The following PAQR3 variants were observed in gnomAD, a reference collection of about 807,000 sequenced individuals.
PAQR3 encodes progestin and adipoQ receptor family member 3, also known as Raf kinase trapping to Golgi.
PAQR3 carries 39 observed loss-of-function variants against 41.7 expected under a neutral mutation model. The ratio of observed to expected loss-of-function variants is 0.93; its 90% confidence interval spans 0.72 to 1.22. The LOEUF (loss-of-function observed/expected upper bound fraction) is 1.22. Among genes scored for constraint, PAQR3 ranks in the 50% most tolerant of loss-of-function variants. The probability of loss-of-function intolerance (pLI) is 0.00; values close to 1 mark genes in which losing one functional copy is unlikely to be tolerated. For missense variants in PAQR3, 366 were observed against 385.6 expected (o/e 0.95, Z 0.42); for synonymous variants, 140 against 140.6 (o/e 1.00, Z 0.03).
Position 78,919,694 on chromosome 4 carries a change from C to T in PAQR3, c.*845G>A, listed in dbSNP as rs1403177129. 2 of 985,120 alleles carry T rather than the reference C, an allele frequency of 2.0e-6. No homozygotes were observed. Among genetic ancestry groups the T allele is most frequent in the Non-Finnish European group, 2.4e-6 (2 of 829,776 alleles). The allele number at this position is 985,120 out of a possible 1,614,324, so 61.0% of individuals were successfully genotyped here. ...ACTGGGATATTCAGGACTACAAATT[C>T]AGAGAGTTGAAAGCTCTGGAATTTT... On this transcript the variant is annotated 3_prime_UTR_variant, in exon 6 of 6. Transcript: ENST00000512733.
chr4:78,889,152 C>T (rs1262425912), intron 11 of PAQR3, among the ~76,000 whole-genome samples: 3 of 133,532 alleles, frequency 2.2e-5, no homozygotes, highest in Non-Finnish European at 4.6e-5. Context: ...ACCCGGGAGG[C>T]GGAGTTTGCA....
At chr4:78,907,269 T>C (rs1032299487), downstream of PAQR3, among the ~76,000 whole-genome samples, 8 of 152,188 alleles carry the variant, frequency 5.3e-5, no homozygotes, top group Non-Finnish European at 1.2e-4. Flanking sequence ...AATACAACTT[T>C]GATAAATGGA....
chr4:78,911,422 T>G (rs1734593519), downstream of PAQR3: 2 of 1,613,926 alleles, frequency 1.2e-6, no homozygotes, highest in Non-Finnish European at 1.7e-6. Context: ...GCTTGTGCCC[T>G]TTGATGAAAT....
chr4:78,897,037 G>A (rs1425991254), intron 11 of PAQR3, among the ~76,000 whole-genome samples: 1 of 152,036 alleles, frequency 6.6e-6, no homozygotes, highest in Non-Finnish European at 1.5e-5. Flanking sequence ...ATTGCTTGGG[G>A]GGAAATGTAC....
intron 11 of PAQR3, among the ~76,000 whole-genome samples, chr4:78,903,567 A>G (rs747512085): frequency 2.6e-5 from 4 of 151,754 alleles, no homozygotes; most frequent in East Asian, 1.9e-4. Context: ...TATTGTCTCT[A>G]TTTTCTAGAT....
intron 11 of PAQR3, chr4:78,898,721 A>G (rs991417311): frequency 1.3e-5 from 2 of 151,796 alleles, no homozygotes; most frequent in Non-Finnish European, 2.9e-5. Context: ...ACAGAAATTG[A>G]AAGCAAGTGA....
At chr4:78,910,796 C>T, downstream of PAQR3, 1 of 1,613,800 alleles carries the variant, frequency 6.2e-7, no homozygotes, top group Non-Finnish European at 8.5e-7. Context: ...GATCCCCCTT[C>T]TCCTAAGAGC....
At chr4:78,894,459 A>G (rs1193973050) in intron 11 of PAQR3, among the ~76,000 whole-genome samples, 1 of 152,180 alleles carries the variant, frequency 6.6e-6, no homozygotes, top group African/African-American at 2.4e-5. Context: ...CTTTCCTTAC[A>G]GCTCATGATC....
rs1658115278 is a variant in PAQR3, at chr4:78,930,290, A to G, written c.384T>C (p.Phe128=). 6.2e-7 allele frequency: 1 copy of G among 1,613,724 alleles called. No homozygotes were observed. Among genetic ancestry groups the G allele is most frequent in the Non-Finnish European group, 8.5e-7 (1 of 1,179,902 alleles). The change falls in exon 3 of 6, where the codon TTT becomes TTC. Residue 128 remains phenylalanine, a synonymous_variant. Coordinates refer to ENST00000512733, the MANE Select transcript of PAQR3 (RefSeq NM_001040202.2). ...ATGTTTTTTCTGACCGATGGCAGGA[A>G]AAAAGATGATAGCCCACAGAGCAAA... is the stretch of plus-strand genomic sequence containing the variant. The part of the protein sequence containing the change: ...CMLCSVGYHL[F]SCHRSEKTCR...
At chr4:78,927,380 T>C (rs1296610185) in intron 3 of PAQR3, among the ~76,000 whole-genome samples, 1 of 152,248 alleles carries the variant, frequency 6.6e-6, no homozygotes, top group African/African-American at 2.4e-5. Flanking sequence ...ACAGACTTAT[T>C]AGAAAGACAA....
intron 11 of PAQR3, among the ~76,000 whole-genome samples, chr4:78,890,495 AT>A (rs1733377388): frequency 6.6e-6 from 1 of 151,974 alleles, no homozygotes; most frequent in African/African-American, 2.4e-5. Flanking sequence ...CAGTGTCTAC[AT>A]TTTTTTAATA....
chr4:78,933,461 A>C (rs922480161), intron 2 of PAQR3, among the ~76,000 whole-genome samples: 4 of 152,180 alleles, frequency 2.6e-5, no homozygotes, highest in Non-Finnish European at 5.9e-5. Context: ...ATGTCTTTTA[A>C]TATTAAATGT....
chr4:78,924,007 T>C lies in PAQR3; in HGVS notation c.703-60A>G. Reference sequence around the variant, plus strand: ...CTACTGTTACTGAACTCTAAATTTATTATGAATCTAATAGTGGGATTTAAG... The same window carrying C: ...CTACTGTTACTGAACTCTAAATTTACTATGAATCTAATAGTGGGATTTAAG... On this transcript the variant is annotated intron_variant, in intron 4 of 5. Coordinates refer to ENST00000512733, the MANE Select transcript of PAQR3 (RefSeq NM_001040202.2). The C allele has an allele frequency of 3.3e-6, 4 of 1,211,820 alleles. No homozygotes were observed. The South Asian group carries it at 4.9e-5, about 15-fold the overall frequency. 75.1% of individuals were successfully genotyped at this position (1,211,820 alleles called of 1,614,324 possible).
At position 78,912,203 on chromosome 4, in the gene PAQR3, A is replaced by G. The variant is rs550420185; in HGVS notation, c.*8336T>C. ...GAAGAATGAAGTATCTCTACAGGGT[A>G]GTAACTTGATTCCTCTTCAGGAGAA... On this transcript the variant is annotated 3_prime_UTR_variant, in exon 6 of 6. Coordinates refer to ENST00000512733, the MANE Select transcript of PAQR3 (RefSeq NM_001040202.2). 2 of 619,560 alleles carry G rather than the reference A, an allele frequency of 3.2e-6. No homozygotes were observed. Among genetic ancestry groups the G allele is most frequent in the East Asian group, 2.9e-5 (1 of 34,978 alleles). 38.4% of individuals were successfully genotyped at this position (619,560 alleles called of 1,614,324 possible). A position where few individuals can be genotyped will look rare whatever the true frequency, so the allele number is the denominator to read the frequency against.
intron 2 of PAQR3, among the ~76,000 whole-genome samples, chr4:78,931,876 A>G (rs1377917940): frequency 6.6e-6 from 1 of 152,176 alleles, no homozygotes; most frequent in African/African-American, 2.4e-5. Context: ...AATGGGTTTT[A>G]ACTTCAATAT....
At chr4:78,936,963 A>G (rs1309248778) in intron 1 of PAQR3, among the ~76,000 whole-genome samples, 4 of 152,208 alleles carry the variant, frequency 2.6e-5, no homozygotes, top group Non-Finnish European at 4.4e-5. Context: ...GGCTGGTGGG[A>G]AGGCAAGAAC....
intron 2 of PAQR3, among the ~76,000 whole-genome samples, chr4:78,934,060 T>G (rs2110169296): frequency 6.6e-6 from 1 of 152,312 alleles, no homozygotes; most frequent in South Asian, 2.1e-4. Context: ...ATTTTGGCTG[T>G]AATCAGGGCA....
chr4:78,917,882 T>C lies in PAQR3; in HGVS notation c.*2657A>G, dbSNP rs1406013029. The C allele has an allele frequency of 3.0e-6, 3 of 985,230 alleles. No individual in the cohort carries two copies. Among genetic ancestry groups the C allele is most frequent in the Non-Finnish European group, 3.6e-6 (3 of 829,540 alleles). 61.0% of individuals were successfully genotyped at this position (985,230 alleles called of 1,614,324 possible). A position where few individuals can be genotyped will look rare whatever the true frequency, so the allele number is the denominator to read the frequency against. The stretch of plus-strand genomic sequence containing the variant: ...TTCCCTGAATCTTCGTTCCTGATTC[T>C]AAAATATGATTTTAAAGCTGTTATG... On this transcript the variant is annotated 3_prime_UTR_variant, in exon 6 of 6. Transcript: ENST00000512733.
chr4:78,905,866 G>A (rs971834572), intron 11 of PAQR3, among the ~76,000 whole-genome samples: 1 of 151,838 alleles, frequency 6.6e-6, no homozygotes, highest in Non-Finnish European at 1.5e-5. Context: ...GAGTATGAAG[G>A]TTTATGGCAT....
Sources: allele counts gnomAD v4.1 joint callset (sites outside exome capture counted in the v4.1 genomes callset), GRCh38; gene constraint gnomAD v4.1.1; transcripts MANE v1.5; gene names NCBI Gene and HGNC (gene_info 2026-07-23, HGNC 2026-07-21).